The following CCDC171 variants were observed in gnomAD, a reference collection of about 807,000 sequenced individuals.
The protein encoded by CCDC171 is coiled-coil domain containing 171.
Under a neutral mutation model 168.2 loss-of-function variants are expected in CCDC171, and 177 were observed. That is an observed-to-expected ratio of 1.05 (90% CI 0.93 to 1.19). CCDC171 has a LOEUF of 1.19. Among genes scored for constraint, CCDC171 ranks in the 50% most tolerant of loss-of-function variants. The pLI is 0.00. For synonymous variants in CCDC171, 687 were observed against 540.8 expected (o/e 1.27, Z -3.75); for missense variants, 1,991 against 1,539.0 (o/e 1.29, Z -4.91).
rs531073536 is a variant in CCDC171, at chr9:15,955,445, G to A, written c.3754-16164G>A. On this transcript the variant is annotated intron_variant, in intron 25 of 25. Transcript: ENST00000380701. ...AAGCGACAATCAGAGCACAGATCCT[G>A]ATATTTGGAGAACAAGGTTCTTTTT... is the stretch of plus-strand genomic sequence containing the variant. 5.3e-5 allele frequency among the ~76,000 whole-genome samples: 8 copies of A among 152,250 alleles called. No homozygotes were observed. The South Asian group carries it at 1.7e-3, about 32-fold the overall frequency.
intron 7 of CCDC171, among the ~76,000 whole-genome samples, chr9:15,624,476 T>C (rs1274439828): frequency 6.6e-6 from 1 of 151,378 alleles, no homozygotes; most frequent in Non-Finnish European, 1.5e-5. Flanking sequence ...CCCCACCCCA[T>C]GACAGGCCCC....
At chr9:15,723,570 A>G in intron 12 of CCDC171, 111 bp from the exon 13 acceptor site, 2 of 688,910 alleles carry the variant, frequency 2.9e-6, no homozygotes, top group Non-Finnish European at 5.0e-6. Flanking sequence ...GTATTTAAGT[A>G]ATTGCATAAA....
At chr9:15,713,685 C>A (rs1475169547) in intron 11 of CCDC171, among the ~76,000 whole-genome samples, 1 of 152,026 alleles carries the variant, frequency 6.6e-6, no homozygotes, top group Admixed American at 6.6e-5. Context: ...CTTCTAACTC[C>A]TAAAAGTTTA....
intron 16 of CCDC171, among the ~76,000 whole-genome samples, chr9:15,738,266 T>C (rs1411283162): frequency 1.3e-5 from 2 of 152,178 alleles, no homozygotes; most frequent in Non-Finnish European, 2.9e-5. Flanking sequence ...TCAAAGTTCA[T>C]GTATTTCAGG....
upstream of CCDC171, among the ~76,000 whole-genome samples, chr9:16,042,136 C>T (rs1381679334): frequency 6.6e-6 from 1 of 152,186 alleles, no homozygotes; most frequent in African/African-American, 2.4e-5. Flanking sequence ...AAGACTCTTG[C>T]GAAGCTAGTG....
chr9:15,830,037 T>G (rs2060166162), intron 21 of CCDC171, among the ~76,000 whole-genome samples: 1 of 152,210 alleles, frequency 6.6e-6, no homozygotes, highest in Admixed American at 6.5e-5. Flanking sequence ...AGTAGCGAAG[T>G]TGGTGTGCCT....
chr9:15,854,194 A>G (rs888574367), intron 23 of CCDC171, among the ~76,000 whole-genome samples: 9 of 150,306 alleles, frequency 6.0e-5, no homozygotes, highest in Non-Finnish European at 1.2e-4. Context: ...TTCTTTAAAC[A>G]TTTGGCAGAA....
chr9:15,589,326 T>C (rs2041821327), intron 4 of CCDC171, among the ~76,000 whole-genome samples: 1 of 152,194 alleles, frequency 6.6e-6, no homozygotes, highest in Admixed American at 6.5e-5. Context: ...CTCCCAGTAA[T>C]TGGTTGCCAG....
chr9:15,921,019 A>G (rs1825250809), intron 25 of CCDC171, among the ~76,000 whole-genome samples: 1 of 151,754 alleles, frequency 6.6e-6, no homozygotes, highest in South Asian at 2.1e-4. Context: ...TAAAAAATGA[A>G]TGTATTGTGA....
intron 25 of CCDC171, among the ~76,000 whole-genome samples, chr9:15,960,209 A>G (rs1830209757): frequency 6.6e-6 from 1 of 152,216 alleles, no homozygotes; most frequent in South Asian, 2.1e-4. Flanking sequence ...GTTTCATAGT[A>G]TTTCAACAGA....
intron 6 of CCDC171, among the ~76,000 whole-genome samples, chr9:15,607,958 C>G (rs1250715093): frequency 6.6e-6 from 1 of 152,124 alleles, no homozygotes; most frequent in Non-Finnish European, 1.5e-5. Flanking sequence ...TCTTGCAGTT[C>G]TGGAGGCTGA....
chr9:15,588,109 C>T (rs1415918370), intron 4 of CCDC171, among the ~76,000 whole-genome samples: 1 of 152,088 alleles, frequency 6.6e-6, no homozygotes, highest in African/African-American at 2.4e-5. Context: ...GTGGCAAGTG[C>T]CTGTAATCCC....
chr9:16,099,016 T>TG, the CCDC171 span, among the ~76,000 whole-genome samples: 1 of 152,200 alleles, frequency 6.6e-6, no homozygotes, highest in Admixed American at 6.5e-5. Context: ...AGCTTTCATT[T>TG]GGGGGAAGAT....
chr9:15,968,979 G>A (rs1376209837), intron 25 of CCDC171, among the ~76,000 whole-genome samples: 1 of 152,092 alleles, frequency 6.6e-6, no homozygotes, highest in Non-Finnish European at 1.5e-5. Flanking sequence ...AAGTAACTCT[G>A]TTTACTTTCT....
intron 4 of CCDC171, among the ~76,000 whole-genome samples, chr9:15,588,061 C>T (rs989501984): frequency 6.6e-6 from 1 of 151,958 alleles, no homozygotes; most frequent in Non-Finnish European, 1.5e-5. Context: ...ATGGTGAAAC[C>T]CTGTCTCTAC....
rs186206825 is a variant in CCDC171, at chr9:15,722,208, T to A, written c.1425+333T>A. On this transcript the variant is annotated intron_variant, in intron 12 of 25. Coordinates refer to ENST00000380701, the MANE Select transcript of CCDC171 (RefSeq NM_173550.4). The stretch of plus-strand genomic sequence containing the variant: ...TATGTACTGTATTTAAATGTCAGTG[T>A]GTTTTTATGACATTTGGTATAGCTA... Among the ~76,000 whole-genome samples the A allele has an allele frequency of 2.6e-5, 4 of 152,356 alleles. No individual in the cohort carries two copies. In the East Asian group the frequency reaches 7.7e-4, roughly 29 times the overall value.
At chr9:15,944,836 T>TCTTTCTTTCTTTCTTTCTTTCTTTCTTTC (rs57665767) in intron 25 of CCDC171, among the ~76,000 whole-genome samples, 2 of 129,852 alleles carry the variant, frequency 1.5e-5, no homozygotes, top group African/African-American at 5.8e-5. Flanking sequence ...TTTCTTTCTT[T>TCTTTCTTTCTTTCTTTCTTTCTTTCTTTC]TTTCTTTCTT....
intron 3 of CCDC171, among the ~76,000 whole-genome samples, chr9:15,574,292 C>T (rs2040462499): frequency 6.6e-6 from 1 of 152,118 alleles, no homozygotes; most frequent in Admixed American, 6.5e-5. Flanking sequence ...TTACAGGTGC[C>T]TGCCACTGTG....
rs968857565 is a variant in CCDC171, at chr9:15,783,430, G to T, written c.3082-1079G>T. ...ATTTGTTAAAATTTCAAATCAACCT[G>T]CTTTATATTTGTGGCGAATGATATT... is the stretch of plus-strand genomic sequence containing the variant. On this transcript the variant is annotated intron_variant, in intron 20 of 25. Transcript: ENST00000380701. Among the ~76,000 whole-genome samples, 6 of 152,092 alleles carry T rather than the reference G, an allele frequency of 3.9e-5. No individual in the cohort carries two copies. In the Middle Eastern group the frequency reaches 0.014, roughly 345 times the overall value.
Sources: gnomAD v4.1 joint callset for allele counts (sites outside exome capture counted in the v4.1 genomes callset) on GRCh38, gnomAD v4.1.1 for gene constraint, MANE v1.5 for transcripts, NCBI Gene and HGNC (gene_info 2026-07-23, HGNC 2026-07-21) for gene names.